FTO: variants seen among roughly 807,000 people sequenced by gnomAD.
The protein encoded by FTO is FTO alpha-ketoglutarate dependent dioxygenase, also known as alpha-ketoglutarate-dependent dioxygenase FTO.
In FTO, 47 loss-of-function variants were observed where a neutral mutation model predicts 63.9. That is an observed-to-expected ratio of 0.74 (90% CI 0.58 to 0.94). The LOEUF (loss-of-function observed/expected upper bound fraction) is 0.94, where lower values mean the gene tolerates loss of function less well. Ranked by LOEUF, FTO falls within the 40% of genes least tolerant of loss-of-function variation. The pLI, the probability that FTO is intolerant of heterozygous loss-of-function variation, is 0.00. For missense variants in FTO, 562 were observed against 618.1 expected (o/e 0.91, Z 0.96); for synonymous variants, 207 against 224.4 (o/e 0.92, Z 0.69).
intron 8 of FTO, among the ~76,000 whole-genome samples, chr16:54,099,523 C>A (rs1029553437): frequency 6.6e-6 from 1 of 152,154 alleles, no homozygotes; most frequent in East Asian, 1.9e-4. Context: ...TATATTGTTA[C>A]CTTTGGGCAG....
intron 7 of FTO, among the ~76,000 whole-genome samples, chr16:53,926,276 A>T (rs545365733): frequency 1.3e-5 from 2 of 152,328 alleles, no homozygotes; most frequent in South Asian, 4.1e-4. Flanking sequence ...TCTTAGACTC[A>T]TCTTCAGGAA....
At chr16:53,837,961 C>T (rs531563651) in intron 3 of FTO, among the ~76,000 whole-genome samples, 14 of 152,304 alleles carry the variant, frequency 9.2e-5, no homozygotes, top group African/African-American at 3.4e-4. Flanking sequence ...AGGCTCTTCT[C>T]TTGCAAGTCC....
chr16:53,925,047 TTTTC>T (rs1267547886), intron 7 of FTO, among the ~76,000 whole-genome samples: 4 of 151,686 alleles, frequency 2.6e-5, no homozygotes, highest in South Asian at 2.1e-4. Context: ...TTCTTCTTTT[TTTTC>T]TTTCTTTCTT....
chr16:53,865,191 C>G (rs370450380), intron 4 of FTO, among the ~76,000 whole-genome samples: 1 of 152,138 alleles, frequency 6.6e-6, no homozygotes, highest in Non-Finnish European at 1.5e-5. Context: ...TTGTCCCAGT[C>G]TTTTATGGGA....
intron 1 of FTO, among the ~76,000 whole-genome samples, chr16:53,792,595 G>T (rs2077954293): frequency 6.6e-6 from 1 of 152,154 alleles, no homozygotes. Context: ...CTGATCTCAA[G>T]TGTTATTTAC....
intron 8 of FTO, among the ~76,000 whole-genome samples, chr16:54,066,486 C>T (rs1465157594): frequency 2.0e-5 from 3 of 152,244 alleles, no homozygotes; most frequent in Non-Finnish European, 2.9e-5. Context: ...AATTCCCATG[C>T]CAGTGAAGCT....
chr16:53,750,120 T>A (rs2076750012), intron 1 of FTO, among the ~76,000 whole-genome samples: 1 of 152,250 alleles, frequency 6.6e-6, no homozygotes, highest in Non-Finnish European at 1.5e-5. Context: ...GAATTTTAAA[T>A]TGCATTTGGC....
intron 1 of FTO, among the ~76,000 whole-genome samples, chr16:53,705,893 C>G (rs1271153263): frequency 6.6e-6 from 1 of 152,168 alleles, no homozygotes; most frequent in African/African-American, 2.4e-5. Flanking sequence ...GAAATAGAAT[C>G]ACTGCACCAA....
intron 4 of FTO, among the ~76,000 whole-genome samples, chr16:53,873,250 A>G (rs2080550089): frequency 6.6e-6 from 1 of 152,158 alleles, no homozygotes. Context: ...AAGAAGCTCA[A>G]TTCATATATA....
chr16:54,044,221 T>C (rs1730206909), intron 8 of FTO, among the ~76,000 whole-genome samples: 1 of 76,040 alleles, frequency 1.3e-5, no homozygotes, highest in Admixed American at 1.4e-4. Context: ...CCATCTCACG[T>C]GTAGAGACAC....
intron 8 of FTO, among the ~76,000 whole-genome samples, chr16:53,997,958 C>A (rs2083981809): frequency 1.3e-5 from 2 of 151,832 alleles, no homozygotes; most frequent in African/African-American, 4.8e-5. Flanking sequence ...TTCCCAGAAC[C>A]CTTAATATTC....
At chr16:54,081,917 G>A (rs12596638) in intron 8 of FTO, among the ~76,000 whole-genome samples, 27,935 of 152,118 alleles carry the variant, frequency 0.18, 2,773 homozygotes, top group East Asian at 0.34. Context: ...GGCCAAGGAC[G>A]TAAGTGAGTT....
chr16:53,889,013 G>C (rs2081080873), intron 7 of FTO, 62 bp downstream of exon 7: 2 of 1,564,966 alleles, frequency 1.3e-6, no homozygotes, highest in Non-Finnish European at 1.8e-6. Context: ...ATCCTCCACT[G>C]CCTCATTTGC....
At chr16:53,933,949 A>T in intron 7 of FTO, 36 bp from the exon 8 acceptor site, 1 of 1,605,718 alleles carries the variant, frequency 6.2e-7, no homozygotes, top group Non-Finnish European at 8.5e-7. Context: ...TTAATTTTTC[A>T]CTTTTTCTTT....
intron 8 of FTO, among the ~76,000 whole-genome samples, chr16:54,094,713 C>T (rs1047616081): frequency 3.3e-5 from 5 of 152,198 alleles, no homozygotes; most frequent in Non-Finnish European, 7.4e-5. Context: ...TACAGCCTTC[C>T]CTCCCTCCCA....
rs1356843006 is a variant in FTO at position 53,792,038 on chromosome 16, T to A, written c.46-18102T>A. Among the ~76,000 whole-genome samples the A allele has an allele frequency of 2.0e-5, 3 of 148,336 alleles. No homozygotes were observed. In the Admixed American group the frequency reaches 2.1e-4, roughly 10 times the overall value. On this transcript the variant is annotated intron_variant, in intron 1 of 8. Transcript: ENST00000471389. The stretch of plus-strand genomic sequence containing the variant: ...TTGCAGTGAGCCGAGATTGCGCCAC[T>A]GCACTCCCGCCTGGGCCACAGAGCG...
chr16:54,003,098 A>G (rs1254243018), intron 8 of FTO, among the ~76,000 whole-genome samples: 3 of 152,206 alleles, frequency 2.0e-5, no homozygotes, highest in Non-Finnish European at 4.4e-5. Flanking sequence ...GTGACCCCTT[A>G]TGGAATTCTG....
intron 3 of FTO, among the ~76,000 whole-genome samples, chr16:53,843,818 A>AATTT (rs58456057): frequency 2.9e-4 from 20 of 68,396 alleles, no homozygotes; most frequent in African/African-American, 8.5e-4. Context: ...TTAAAAAGTA[A>AATTT]TTTTTTTTTT....
chr16:54,028,567 G>A (rs1039185455), intron 8 of FTO, among the ~76,000 whole-genome samples: 28 of 152,098 alleles, frequency 1.8e-4, no homozygotes, highest in Non-Finnish European at 3.8e-4. Context: ...CGATACTACC[G>A]ATTACAACTC....
Sources: gnomAD v4.1 joint callset for allele counts (sites outside exome capture counted in the v4.1 genomes callset) on GRCh38, gnomAD v4.1.1 for gene constraint, MANE v1.5 for transcripts, NCBI Gene and HGNC (gene_info 2026-07-23, HGNC 2026-07-21) for gene names.